MYH14: variants seen among roughly 807,000 people sequenced by gnomAD.
The protein encoded by MYH14 is myosin heavy chain 14.
MYH14 carries 123 observed loss-of-function variants against 255.5 expected under a neutral mutation model. The ratio of observed to expected loss-of-function variants is 0.48; its 90% CI spans 0.42 to 0.56. The LOEUF (loss-of-function observed/expected upper bound fraction) is 0.56, where lower values mean the gene tolerates loss of function less well. Ranked by LOEUF, MYH14 falls within the 20% of genes least tolerant of loss-of-function variation. The probability of loss-of-function intolerance (pLI) is 0.00; values close to 1 mark genes in which losing one functional copy is unlikely to be tolerated. For synonymous variants in MYH14, 1,095 were observed against 1,161.2 expected, an observed-to-expected ratio of 0.94 and a Z score of 1.16; for missense variants, 2,423 against 2,802.3, an observed-to-expected ratio of 0.86 and a Z score of 3.06.
chr19:50,209,440 G>T (rs1378092063), intron 1 of MYH14, among the ~76,000 whole-genome samples: 1 of 152,092 alleles, frequency 6.6e-6, no homozygotes, highest in Admixed American at 6.6e-5. Context: ...CTGAGGTCAG[G>T]AGTTCAAGAC....
In MYH14 at chr19:50,250,367, C is replaced by T. The variant is rs1477968479; in HGVS notation, c.1657-148C>T. 7 of 766,416 alleles carry T rather than the reference C, an allele frequency of 9.1e-6. No homozygotes were observed. The highest frequency in any genetic ancestry group is 1.5e-5 in the Non-Finnish European group (7 of 464,702). 47.5% of individuals were successfully genotyped at this position (766,416 alleles called of 1,614,324 possible). ...CTACCCGCCTCGGCCTCCCAAAGTGCTGGGATTACAGGCGTGAGCCACCGT... is the reference window on the plus strand; with the variant it reads ...CTACCCGCCTCGGCCTCCCAAAGTGTTGGGATTACAGGCGTGAGCCACCGT... On this transcript the variant is annotated intron_variant, in intron 14 of 42. Coordinates refer to ENST00000642316, the MANE Select transcript of MYH14 (RefSeq NM_001145809.2). The surrounding 1 kb of genome is among the most constrained non-coding windows in gnomAD (Gnocchi z 5.4).
chr19:50,239,979 G>A (rs1248459293), intron 10 of MYH14, among the ~76,000 whole-genome samples: 1 of 152,098 alleles, frequency 6.6e-6, no homozygotes, highest in South Asian at 2.1e-4. Context: ...GCACCCAGGA[G>A]CCCCCCATGT....
intron 33 of MYH14, chr19:50,285,681 C>T (rs1405260444): frequency 6.6e-6 from 1 of 152,136 alleles, no homozygotes; most frequent in Admixed American, 6.5e-5. Flanking sequence ...AGTTTTACTT[C>T]TTTCTTTACC....
chr19:50,276,104 A>C lies in MYH14; in HGVS notation c.3581A>C (p.Lys1194Thr). 6.2e-7 allele frequency: 1 copy of C among 1,607,030 alleles called. No individual in the cohort carries two copies. The highest frequency in any genetic ancestry group is 1.3e-5 in the African/African-American group (1 of 74,944). The change falls in exon 28 of 43, where the codon AAG becomes ACG. Residue 1194 changes from lysine (K) to threonine (T), a missense_variant. Physicochemically the swap from Lys to Thr is moderately conservative, Grantham distance 78 (BLOSUM62 -1). Around this residue, in one of 3 missense-constraint regions of MYH14, gnomAD observed 1,513 missense variants for 1,674.8 expected, o/e 0.90. Coordinates refer to ENST00000642316, the MANE Select transcript of MYH14 (RefSeq NM_001145809.2). This position sits in a 1 kb window ranked among gnomAD's most constrained non-coding sequence, Gnocchi z 4.3. ...GAGTCTGAGCGTGTGGCCAGGACCA[A>C]GGCGGAGAAGCAGCGCCGGGACCTG... ...DLESERVART[K>T]AEKQRRDLGE...
rs727503228 is a variant in MYH14, at chr19:50,289,626, G to A, written c.4943G>A (p.Arg1648Lys). Residue 1648 changes from arginine (R) to lysine (K), a missense_variant, in exon 35 of 43, where the codon AGG becomes AAG. Physicochemically the swap from Arg to Lys is conservative, Grantham distance 26. Around this residue, in one of 3 missense-constraint regions of MYH14, gnomAD observed 1,513 missense variants for 1,674.8 expected, o/e 0.90. Coordinates refer to ENST00000642316, the MANE Select transcript of MYH14 (RefSeq NM_001145809.2). ...LQGRDEAGEE[R>K]RRQLAKQLRD... is the part of the protein sequence containing the mutation. ...GGCCGTGATGAGGCTGGTGAAGAGA[G>A]GCGGAGGCAGCTGGCCAAGCAGGTA... 6.5e-5 allele frequency: 104 copies of A among 1,610,186 alleles called. No individual in the cohort carries two copies. The Admixed American group carries it at 1.7e-3, about 27-fold the overall frequency.
chr19:50,290,321 G>GC (rs2036029447), intron 35 of MYH14, among the ~76,000 whole-genome samples: 1 of 152,080 alleles, frequency 6.6e-6, no homozygotes, highest in Non-Finnish European at 1.5e-5. Context: ...TTGTTCCATT[G>GC]CTCTCTCCCT....
Position 50,230,434 on chromosome 19 carries a change from G to T in MYH14, c.875-91G>T, listed in dbSNP as rs2033314999. The T allele has an allele frequency of 7.9e-6, 9 of 1,138,250 alleles. No homozygotes were observed. The highest frequency in any genetic ancestry group is 1.0e-5 in the Non-Finnish European group (8 of 774,664). 70.5% of individuals were successfully genotyped at this position (1,138,250 alleles called of 1,614,324 possible). A position where few individuals can be genotyped will look rare whatever the true frequency, so the allele number is the denominator to read the frequency against. On this transcript the variant is annotated intron_variant, in intron 8 of 42. Coordinates refer to ENST00000642316, the MANE Select transcript of MYH14 (RefSeq NM_001145809.2). This position sits in a 1 kb window ranked among gnomAD's most constrained non-coding sequence, Gnocchi z 4.7. ...GACTCCACTACACCACAGGAGAGAA[G>T]GGGGCAGCGTGGGCAGGGCAGGCTC...
At chr19:50,227,265 G>A (rs1162354466) in intron 8 of MYH14, among the ~76,000 whole-genome samples, 2 of 152,078 alleles carry the variant, frequency 1.3e-5, no homozygotes, top group Non-Finnish European at 2.9e-5. Context: ...ACATAGAGCA[G>A]TATAAGCAAA....
chr19:50,275,969 C>G, intron 27 of MYH14, 22 bp from the exon 28 acceptor site: 1 of 1,600,998 alleles, frequency 6.2e-7, no homozygotes, highest in Non-Finnish European at 8.5e-7. Context: ...TGTATCAACT[C>G]CACGGTTCTT....
intron 12 of MYH14, 112 bp from the exon 13 acceptor site, chr19:50,248,875 T>G: frequency 9.3e-7 from 1 of 1,078,360 alleles, no homozygotes; most frequent in Admixed American, 2.1e-5. Flanking sequence ...CTCAAGGAGC[T>G]GGGAGGCGAC....
intron 3 of MYH14, among the ~76,000 whole-genome samples, chr19:50,218,163 A>G (rs912790038): frequency 7.9e-5 from 12 of 151,932 alleles, no homozygotes; most frequent in Admixed American, 7.9e-4. Context: ...CGCCTGGCTA[A>G]GAGATGGGGT....
At chr19:50,287,370 G>A (rs764400720) in intron 34 of MYH14, among the ~76,000 whole-genome samples, 15 of 152,192 alleles carry the variant, frequency 9.9e-5, no homozygotes, top group Admixed American at 3.3e-4. Flanking sequence ...TTGTGTACAC[G>A]GGATGTAAGG....
At chr19:50,223,002 T>G in intron 3 of MYH14, 81 bp from the exon 4 acceptor site, 1 of 1,341,752 alleles carries the variant, frequency 7.5e-7, no homozygotes, top group Non-Finnish European at 1.1e-6. Flanking sequence ...ATTTTTAAAA[T>G]GCAGCGGCCA....
chr19:50,245,577 A>C (rs1190956229), intron 11 of MYH14, among the ~76,000 whole-genome samples: 1 of 152,070 alleles, frequency 6.6e-6, no homozygotes, highest in Non-Finnish European at 1.5e-5. Flanking sequence ...ATCACTGTGG[A>C]TATAGAGTGT....
chr19:50,282,157 T>G (rs1044248255), intron 33 of MYH14, among the ~76,000 whole-genome samples: 1 of 152,172 alleles, frequency 6.6e-6, no homozygotes, highest in Non-Finnish European at 1.5e-5. Context: ...ATCAAATAAC[T>G]CATCTCACTT....
chr19:50,298,212 C>T (rs8111931), intron 39 of MYH14, among the ~76,000 whole-genome samples: 101,434 of 152,044 alleles, frequency 0.67, 36,149 homozygotes, highest in East Asian at 0.99. Flanking sequence ...CTTCTCTATG[C>T]AGCATTCCTT....
At chr19:50,272,845 C>T in intron 27 of MYH14, 114 bp downstream of exon 27, 1 of 1,064,130 alleles carries the variant, frequency 9.4e-7, no homozygotes, top group East Asian at 2.6e-5. Context: ...CACTCACCAG[C>T]CACAGACAGG....
At position 50,252,164 on chromosome 19, in the gene MYH14, C is replaced by T. The variant is rs952702582; in HGVS notation, c.1831-475C>T. ...GTGAGTCAGACCTGGGCCCTGCCCTCGGGGGACCGCTGTCTGGTGGGGGGC... is the reference window on the plus strand; with the variant it reads ...GTGAGTCAGACCTGGGCCCTGCCCTTGGGGGACCGCTGTCTGGTGGGGGGC... On this transcript the variant is annotated intron_variant, in intron 15 of 42. Transcript: ENST00000642316. This position sits in a 1 kb window ranked among gnomAD's most constrained non-coding sequence, Gnocchi z 4.2. 1.1e-4 allele frequency among the ~76,000 whole-genome samples: 17 copies of T among 152,136 alleles called. No individual in the cohort carries two copies. Among genetic ancestry groups the T allele is most frequent in the Non-Finnish European group, 1.9e-4 (13 of 68,032 alleles).
At position 50,286,682 on chromosome 19, in the gene MYH14, C is replaced by T. The variant is rs751909208; in HGVS notation, c.4740C>T (p.Asp1580=). The part of the protein sequence containing the change: ...ELEALLSSKD[D]VGKSVHELER... ...AGGCACTGCTGAGCAGCAAGGATGA[C>T]GTCGGCAAGAGCGTGAGCAGGGCCC... is the stretch of plus-strand genomic sequence containing the variant. The change falls in exon 34 of 43, where the codon GAC becomes GAT. Residue 1580 remains aspartate, a synonymous_variant. Transcript: ENST00000642316. The T allele has an allele frequency of 4.8e-5, 76 of 1,574,236 alleles. No homozygotes were observed. Among genetic ancestry groups the T allele is most frequent in the African/African-American group, 1.6e-4 (12 of 74,188 alleles).
Sources: allele counts gnomAD v4.1 joint callset (sites outside exome capture counted in the v4.1 genomes callset), GRCh38; gene constraint gnomAD v4.1.1; regional missense constraint gnomAD v4.1.1; non-coding constraint Gnocchi (gnomAD v3.1); transcripts MANE v1.5; gene names NCBI Gene and HGNC (gene_info 2026-07-23, HGNC 2026-07-21).